Variants in DPM1 observed in about 807,000 individuals in gnomAD.
The protein encoded by DPM1 is dolichyl-phosphate mannosyltransferase subunit 1, catalytic, also known as dolichol-phosphate mannosyltransferase subunit 1.
In DPM1, 27 loss-of-function variants were observed where a neutral mutation model predicts 39.0. That is an observed-to-expected ratio of 0.69 (90% CI 0.51 to 0.95). The LOEUF (loss-of-function observed/expected upper bound fraction) is 0.95, where lower values mean the gene tolerates loss of function less well. Ranked by LOEUF, DPM1 falls within the 40% of genes least tolerant of loss-of-function variation. The probability of loss-of-function intolerance (pLI) is 0.00; values close to 1 mark genes in which losing one functional copy is unlikely to be tolerated. For synonymous variants in DPM1, 124 were observed against 109.0 expected (o/e 1.14, Z -0.86); for missense variants, 307 against 315.6 (o/e 0.97, Z 0.21).
Position 50,936,340 on chromosome 20 carries a change from C to G in DPM1, c.564-78G>C. On this transcript the variant is annotated intron_variant, in intron 7 of 8. Transcript: ENST00000371588. The stretch of plus-strand genomic sequence containing the variant: ...GTATCCTGACCTTTCAAAGAGTTCA[C>G]TGGTATGTATAAAGCCTAAAACTTT... 5.2e-6 allele frequency: 5 copies of G among 958,626 alleles called. No homozygotes were observed. The South Asian group carries it at 6.9e-5, about 13-fold the overall frequency. The allele number at this position is 958,626 out of a possible 1,614,324, so 59.4% of individuals were successfully genotyped here.
In DPM1 at chr20:50,958,436, G is replaced by A. The variant is rs1399346810; in HGVS notation, c.88C>T (p.Leu30Phe). The change falls in exon 1 of 9, where the codon CTT becomes TTT. Residue 30 changes from leucine to phenylalanine, a missense_variant. Physicochemically the swap from Leu to Phe is conservative, Grantham distance 22 (BLOSUM62 0). Transcript: ENST00000371588. ...TCGCGCTCGTTGTAGGTAGGTAAAA[G>A]CACCGAATATTTGTTCTGTCGTGGA... Reference protein sequence around the residue: ...RSPRQNKYSVLLPTYNERENL... With the variant: ...RSPRQNKYSVFLPTYNERENL... The A allele has an allele frequency of 6.2e-7, 1 of 1,614,030 alleles. No homozygotes were observed. Among genetic ancestry groups the A allele is most frequent in the Admixed American group, 1.7e-5 (1 of 60,006 alleles).
chr20:50,954,476 CT>C (rs1366495666), intron 2 of DPM1, among the ~76,000 whole-genome samples: 1 of 152,074 alleles, frequency 6.6e-6, no homozygotes, highest in Non-Finnish European at 1.5e-5. Flanking sequence ...AAACTGTGGT[CT>C]GCAATAATTT....
At chr20:50,947,161 T>A (rs1309625620) in intron 3 of DPM1, among the ~76,000 whole-genome samples, 3 of 152,016 alleles carry the variant, frequency 2.0e-5, no homozygotes, top group African/African-American at 7.3e-5. Flanking sequence ...TGAGCCGAGA[T>A]CGCGTCATCG....
intron 2 of DPM1, among the ~76,000 whole-genome samples, chr20:50,950,506 G>T (rs1039254198): frequency 6.6e-6 from 1 of 152,128 alleles, no homozygotes; most frequent in Non-Finnish European, 1.5e-5. Flanking sequence ...CCCTGAAAAA[G>T]CAAATTTTTT....
intron 2 of DPM1, among the ~76,000 whole-genome samples, chr20:50,950,784 C>T (rs1302095981): frequency 2.0e-5 from 3 of 152,038 alleles, no homozygotes; most frequent in Admixed American, 6.6e-5. Context: ...GTAGAAGAAT[C>T]GCTTGAACCC....
chr20:50,945,018 C>T (rs1986176057), intron 5 of DPM1: 1 of 152,198 alleles, frequency 6.6e-6, no homozygotes, highest in Admixed American at 6.5e-5. Flanking sequence ...AATAATATCT[C>T]CTTTAGCATC....
chr20:50,945,710 C>A, intron 5 of DPM1, 27 bp downstream of exon 5: 1 of 1,522,592 alleles, frequency 6.6e-7, no homozygotes, highest in Non-Finnish European at 9.1e-7. Context: ...AGTCATATTT[C>A]TTTCAAATAT....
At chr20:50,946,479 T>TA in intron 3 of DPM1, among the ~76,000 whole-genome samples, 1 of 152,372 alleles carries the variant, frequency 6.6e-6, no homozygotes, top group South Asian at 2.1e-4. Context: ...TTCCTGCCTT[T>TA]AACCATAACT....
At chr20:50,945,415 A>G (rs1252494491) in intron 5 of DPM1, among the ~76,000 whole-genome samples, 2 of 152,028 alleles carry the variant, frequency 1.3e-5, no homozygotes, top group Non-Finnish European at 2.9e-5. Context: ...ATCATAGCTC[A>G]CTGCAGCCTT....
intron 3 of DPM1, among the ~76,000 whole-genome samples, chr20:50,946,871 G>A (rs1262522055): frequency 6.6e-6 from 1 of 152,136 alleles, no homozygotes; most frequent in Non-Finnish European, 1.5e-5. Flanking sequence ...CAGGGAGTTT[G>A]AGACTAGCCT....
chr20:50,936,368 C>A, intron 7 of DPM1, 106 bp from the exon 8 acceptor site: 2 of 708,854 alleles, frequency 2.8e-6, no homozygotes, highest in African/African-American at 3.5e-5. Flanking sequence ...AAAACTTTCA[C>A]TGGCCATTGG....
At chr20:50,943,807 T>C in intron 5 of DPM1, among the ~76,000 whole-genome samples, 1 of 151,298 alleles carries the variant, frequency 6.6e-6, no homozygotes, top group Non-Finnish European at 1.5e-5. Context: ...TGGCGCGATC[T>C]TGGCTCACTG....
At chr20:50,955,724 C>T (rs945817718) in intron 1 of DPM1, among the ~76,000 whole-genome samples, 1 of 152,114 alleles carries the variant, frequency 6.6e-6, no homozygotes, top group South Asian at 2.1e-4. Flanking sequence ...CCACCACGCC[C>T]GGCTAATTTT....
At chr20:50,943,738 G>A (rs1251941515) in intron 5 of DPM1, among the ~76,000 whole-genome samples, 1 of 130,974 alleles carries the variant, frequency 7.6e-6, no homozygotes, top group Non-Finnish European at 1.6e-5. Context: ...TGAAGCCTGA[G>A]TATTTTTTTT....
chr20:50,939,068 A>G (rs953591803), intron 7 of DPM1, among the ~76,000 whole-genome samples: 2 of 152,164 alleles, frequency 1.3e-5, no homozygotes, highest in Admixed American at 1.3e-4. Flanking sequence ...ACAGCTAATC[A>G]TTGCTGTCAA....
intron 1 of DPM1, among the ~76,000 whole-genome samples, chr20:50,956,041 C>T (rs1471234233): frequency 6.6e-6 from 1 of 152,094 alleles, no homozygotes; most frequent in Non-Finnish European, 1.5e-5. Context: ...GATTTAATTT[C>T]ATCTTTAAAA....
At chr20:50,941,039 CATT>C (rs1985682382) in intron 6 of DPM1, 106 bp from the exon 7 acceptor site, 4 of 1,102,226 alleles carry the variant, frequency 3.6e-6, no homozygotes, top group Non-Finnish European at 5.4e-6. Context: ...ATAAATGTAA[CATT>C]AATTTCATAA....
chr20:50,952,342 TA>T (rs2123135363), intron 2 of DPM1, among the ~76,000 whole-genome samples: 1 of 152,340 alleles, frequency 6.6e-6, no homozygotes, highest in Non-Finnish European at 1.5e-5. Flanking sequence ...ATTGAGACTA[TA>T]GTACATATAC....
intron 3 of DPM1, among the ~76,000 whole-genome samples, chr20:50,946,998 C>T (rs1205054409): frequency 1.3e-5 from 2 of 152,248 alleles, no homozygotes; most frequent in African/African-American, 4.8e-5. Flanking sequence ...CATCTGAGGT[C>T]GGGAATTCGA....
Sources: gnomAD v4.1 joint callset for allele counts (sites outside exome capture counted in the v4.1 genomes callset) on GRCh38, gnomAD v4.1.1 for gene constraint, MANE v1.5 for transcripts, NCBI Gene and HGNC (gene_info 2026-07-23, HGNC 2026-07-21) for gene names.